The following RALYL variants were observed in gnomAD, a reference collection of about 807,000 sequenced individuals.
The protein encoded by RALYL is RALY RNA binding protein like.
In RALYL, 29 loss-of-function variants were observed where a neutral mutation model predicts 35.1. The ratio of observed to expected loss-of-function variants is 0.83; its 90% CI spans 0.61 to 1.13. The LOEUF (loss-of-function observed/expected upper bound fraction) is 1.13, where lower values mean the gene tolerates loss of function less well. Ranked by LOEUF, RALYL falls within the 50% of genes most tolerant of loss-of-function variation. RALYL has a pLI of 0.00. For missense variants in RALYL, 359 were observed against 360.4 expected, an observed-to-expected ratio of 1.00 and a Z score of 0.03; for synonymous variants, 120 against 127.6, an observed-to-expected ratio of 0.94 and a Z score of 0.40.
At chr8:84,916,082 C>T (rs1848416121) in intron 8 of RALYL, among the ~76,000 whole-genome samples, 1 of 151,712 alleles carries the variant, frequency 6.6e-6, no homozygotes, top group South Asian at 2.1e-4. Flanking sequence ...TGAAGCTAAA[C>T]ATAAAACAAT....
intron 2 of RALYL, among the ~76,000 whole-genome samples, chr8:84,559,322 A>C (rs1259490976): frequency 6.6e-6 from 1 of 152,112 alleles, no homozygotes; most frequent in Non-Finnish European, 1.5e-5. Context: ...TAGGGAAGTC[A>C]GAGTGCAATT....
intron 1 of RALYL, among the ~76,000 whole-genome samples, chr8:84,344,130 T>C (rs1027863233): frequency 1.3e-5 from 2 of 151,996 alleles, no homozygotes; most frequent in Non-Finnish European, 2.9e-5. Context: ...AGTGGGAGGA[T>C]TTGTTTTCTC....
intron 2 of RALYL, among the ~76,000 whole-genome samples, chr8:84,665,564 T>C (rs1200840167): frequency 6.6e-6 from 1 of 152,140 alleles, no homozygotes; most frequent in Non-Finnish European, 1.5e-5. Context: ...AATTTATCCA[T>C]TTCTTCTAGA....
At chr8:84,654,767 T>G (rs1829626826) in intron 2 of RALYL, among the ~76,000 whole-genome samples, 1 of 152,178 alleles carries the variant, frequency 6.6e-6, no homozygotes, top group Admixed American at 6.6e-5. Context: ...GATCTCATTT[T>G]TATTTGTGAC....
chr8:84,251,963 A>G (rs958539663), intron 1 of RALYL, among the ~76,000 whole-genome samples: 4 of 151,872 alleles, frequency 2.6e-5, no homozygotes, highest in Non-Finnish European at 5.9e-5. Context: ...TTAATACTTG[A>G]ACCTATATTT....
At chr8:84,505,530 A>G (rs2057093406) in intron 1 of RALYL, among the ~76,000 whole-genome samples, 1 of 152,106 alleles carries the variant, frequency 6.6e-6, no homozygotes, top group Non-Finnish European at 1.5e-5. Flanking sequence ...CACATACAGA[A>G]TAATGTGAAC....
At chr8:84,695,893 G>T (rs1315423477) in intron 2 of RALYL, among the ~76,000 whole-genome samples, 2 of 151,662 alleles carry the variant, frequency 1.3e-5, no homozygotes, top group African/African-American at 2.4e-5. Flanking sequence ...TGTTACCCAT[G>T]ACTCCATTCT....
chr8:84,520,721 T>C (rs1358100530), intron 1 of RALYL, among the ~76,000 whole-genome samples: 1 of 152,172 alleles, frequency 6.6e-6, no homozygotes, highest in African/African-American at 2.4e-5. Context: ...GAACTATGCA[T>C]GTGAGGGATC....
chr8:84,248,126 G>C (rs117152265), intron 1 of RALYL, among the ~76,000 whole-genome samples: 1,948 of 152,128 alleles, frequency 0.013, 13 homozygotes, highest in Middle Eastern at 0.044. Flanking sequence ...TTATGTACCT[G>C]AGAGGAAAAA....
chr8:84,217,637 G>T (rs1317756965), intron 1 of RALYL, among the ~76,000 whole-genome samples: 1 of 152,042 alleles, frequency 6.6e-6, no homozygotes, highest in Non-Finnish European at 1.5e-5. Context: ...TTAAAGGCTT[G>T]TGGGACATGG....
At chr8:84,602,734 A>G (rs1249412162) in intron 2 of RALYL, among the ~76,000 whole-genome samples, 1 of 152,148 alleles carries the variant, frequency 6.6e-6, no homozygotes, top group Non-Finnish European at 1.5e-5. Flanking sequence ...ATGTATGGAA[A>G]CCAGGCTAAC....
intron 1 of RALYL, among the ~76,000 whole-genome samples, chr8:84,462,303 G>T (rs2050894986): frequency 6.6e-6 from 1 of 151,190 alleles, no homozygotes; most frequent in African/African-American, 2.4e-5. Flanking sequence ...TCATATTGTT[G>T]CATTTTAAAG....
At chr8:84,785,010 C>T (rs1428834810) in intron 3 of RALYL, among the ~76,000 whole-genome samples, 1 of 151,144 alleles carries the variant, frequency 6.6e-6, no homozygotes, top group East Asian at 1.9e-4. Flanking sequence ...ATCTATTTTG[C>T]TTATGTTTAT....
chr8:84,571,320 A>G (rs1039035159), intron 2 of RALYL, among the ~76,000 whole-genome samples: 4 of 151,510 alleles, frequency 2.6e-5, no homozygotes, highest in Non-Finnish European at 5.9e-5. Flanking sequence ...AAGGGTATCT[A>G]TTTCTTCTTG....
Position 84,874,062 on chromosome 8 carries a change from G to A in RALYL, c.685+665G>A, listed in dbSNP as rs116601019. On this transcript the variant is annotated intron_variant, in intron 7 of 8. Transcript: ENST00000521268. ...GAGACCTGGTATAAACTTAGAAGTAGGCCACAGTTTGAAAAGTGTGCTCTA... is the reference window on the plus strand; with the variant it reads ...GAGACCTGGTATAAACTTAGAAGTAAGCCACAGTTTGAAAAGTGTGCTCTA... 2.8e-3 allele frequency among the ~76,000 whole-genome samples: 426 copies of A among 152,204 alleles called. 3 individuals are homozygous for A. The highest frequency in any genetic ancestry group is 9.7e-3 in the African/African-American group (403 of 41,536).
intron 1 of RALYL, among the ~76,000 whole-genome samples, chr8:84,347,756 A>G (rs1349643690): frequency 6.6e-6 from 1 of 152,134 alleles, no homozygotes; most frequent in African/African-American, 2.4e-5. Flanking sequence ...TGCAACTGAA[A>G]TGAAAAACTC....
chr8:84,782,026 C>T (rs1056649159), intron 3 of RALYL, among the ~76,000 whole-genome samples: 21 of 122,132 alleles, frequency 1.7e-4, no homozygotes, highest in Middle Eastern at 4.6e-3. Context: ...GCTGTGCACA[C>T]GCGCGCACAC....
At chr8:84,705,311 G>T (rs1433960968) in intron 2 of RALYL, among the ~76,000 whole-genome samples, 1 of 152,058 alleles carries the variant, frequency 6.6e-6, no homozygotes, top group African/African-American at 2.4e-5. Context: ...GGGGTTGGGG[G>T]TGGGGGAAGC....
intron 1 of RALYL, among the ~76,000 whole-genome samples, chr8:84,345,214 GACAA>G (rs1238601497): frequency 1.3e-5 from 2 of 151,562 alleles, no homozygotes; most frequent in East Asian, 3.9e-4. Context: ...ACATCTGGGA[GACAA>G]ACAGAACATG....
Sources: gnomAD v4.1 joint callset for allele counts (sites outside exome capture counted in the v4.1 genomes callset) on GRCh38, gnomAD v4.1.1 for gene constraint, MANE v1.5 for transcripts, NCBI Gene and HGNC (gene_info 2026-07-23, HGNC 2026-07-21) for gene names.